L3MBTL4: variants seen among roughly 807,000 people sequenced by gnomAD.
L3MBTL4 encodes L3MBTL histone methyl-lysine binding protein 4, also known as lethal(3)malignant brain tumor-like protein 4.
In L3MBTL4, 70 loss-of-function variants were observed where a neutral mutation model predicts 84.5. The observed-to-expected ratio is 0.83, with a 90% CI of 0.68 to 1.01. The LOEUF (loss-of-function observed/expected upper bound fraction) is 1.01, where lower values mean the gene tolerates loss of function less well. L3MBTL4 is among the 50% of genes least tolerant of loss of function. The pLI, the probability that L3MBTL4 is intolerant of heterozygous loss-of-function variation, is 0.00. For missense variants in L3MBTL4, 715 were observed against 754.8 expected (o/e 0.95, Z 0.62); for synonymous variants, 274 against 259.8 (o/e 1.05, Z -0.52).
chr18:6,084,201 T>C (rs546191947), intron 15 of L3MBTL4, among the ~76,000 whole-genome samples: 6 of 152,326 alleles, frequency 3.9e-5, no homozygotes, highest in African/African-American at 1.2e-4. Context: ...TAGCAAACTA[T>C]GCCCCGTAAG....
intron 12 of L3MBTL4, among the ~76,000 whole-genome samples, chr18:6,203,935 A>T (rs2045758514): frequency 6.6e-6 from 1 of 152,112 alleles, no homozygotes; most frequent in Non-Finnish European, 1.5e-5. Context: ...TGGCTGCCCT[A>T]AGCCTGGGCA....
chr18:6,048,513 T>C (rs1350745807), intron 16 of L3MBTL4, among the ~76,000 whole-genome samples: 1 of 152,126 alleles, frequency 6.6e-6, no homozygotes, highest in African/African-American at 2.4e-5. Context: ...CAGAATAGCA[T>C]TGGCTGGGCA....
rs780909672 is a variant in L3MBTL4, at chr18:6,138,240, G to A, written c.1153C>T (p.Arg385Ter). The A allele has an allele frequency of 6.2e-6, 10 of 1,613,356 alleles. No individual in the cohort carries two copies. Among genetic ancestry groups the A allele is most frequent in the East Asian group, 2.2e-5 (1 of 44,876 alleles). Residue 385 changes from arginine (R) to a stop codon, truncating the protein, a stop_gained, in exon 14 of 19, where the codon CGA (arginine) becomes TGA (stop). Coordinates refer to ENST00000317931, the MANE Select transcript of L3MBTL4 (RefSeq NM_001330559.2). LOFTEE classifies it high-confidence loss of function. ...GGACCACGGATATGGCCTATTCCTC[G>A]GCACCCGGGAGTAGGACAGACAGCT... is the stretch of plus-strand genomic sequence containing the variant. ...GQAVCPTPGC[R>*]GIGHIRGPRY... is the part of the protein sequence containing the mutation.
At chr18:5,967,748 G>T (rs1442379167) in intron 17 of L3MBTL4, among the ~76,000 whole-genome samples, 1 of 152,250 alleles carries the variant, frequency 6.6e-6, no homozygotes, top group Non-Finnish European at 1.5e-5. Flanking sequence ...CCAGGCTGCT[G>T]CTGGCAGTGG....
intron 3 of L3MBTL4, among the ~76,000 whole-genome samples, chr18:6,310,243 G>C (rs1320316277): frequency 6.6e-6 from 1 of 152,178 alleles, no homozygotes; most frequent in East Asian, 1.9e-4. Flanking sequence ...ATGCAGGCCT[G>C]CCCAAGTCTG....
chr18:6,238,799 G>A (rs1179322455), intron 9 of L3MBTL4, among the ~76,000 whole-genome samples: 4 of 152,020 alleles, frequency 2.6e-5, no homozygotes, highest in Non-Finnish European at 5.9e-5. Flanking sequence ...AGAAGACAGG[G>A]CCCATCAGGC....
Position 6,311,596 on chromosome 18 carries a change from A to C in L3MBTL4, c.30T>G (p.Leu10=), listed in dbSNP as rs753769299. ...CCAAACGCTCTTTGGAATCCATATT[A>C]AGCTTCCTTTTCCTGTTGGGCTGTT... The part of the protein sequence containing the change: MKQPNRKRK[L]NMDSKERLDQ... Residue 10 remains leucine (L), a synonymous_variant, in exon 3 of 19, where the codon CTT becomes CTG. Coordinates refer to ENST00000317931, the MANE Select transcript of L3MBTL4 (RefSeq NM_001330559.2). 5.0e-6 allele frequency: 8 copies of C among 1,613,390 alleles called. No homozygotes were observed. In the South Asian group the frequency reaches 8.8e-5, roughly 18 times the overall value.
chr18:6,165,216 G>C (rs2043583877), intron 13 of L3MBTL4, among the ~76,000 whole-genome samples: 1 of 152,222 alleles, frequency 6.6e-6, no homozygotes, highest in African/African-American at 2.4e-5. Context: ...TGGTGTACCT[G>C]AAAGTGACGG....
chr18:6,185,848 G>A (rs1167081316), intron 12 of L3MBTL4, among the ~76,000 whole-genome samples: 1 of 152,152 alleles, frequency 6.6e-6, no homozygotes, highest in African/African-American at 2.4e-5. Flanking sequence ...AGACATGTGA[G>A]AAATGACTAT....
chr18:6,038,415 G>A lies in L3MBTL4; in HGVS notation c.1444+42466C>T, dbSNP rs199559531. 2.0e-5 allele frequency among the ~76,000 whole-genome samples: 3 copies of A among 151,966 alleles called. No individual in the cohort carries two copies. In the East Asian group the frequency reaches 5.8e-4, roughly 30 times the overall value. On this transcript the variant is annotated intron_variant, in intron 16 of 18. Coordinates refer to ENST00000317931, the MANE Select transcript of L3MBTL4 (RefSeq NM_001330559.2). Reference sequence around the variant, plus strand: ...ACTATAGGCGTCCGCCACCGCGACCGGTTAACTTTTTTGTATTTTTAGTAG... The same window carrying A: ...ACTATAGGCGTCCGCCACCGCGACCAGTTAACTTTTTTGTATTTTTAGTAG...
chr18:6,202,548 T>C (rs959114325), intron 12 of L3MBTL4, among the ~76,000 whole-genome samples: 1 of 152,114 alleles, frequency 6.6e-6, no homozygotes, highest in African/African-American at 2.4e-5. Flanking sequence ...TGAGATATGC[T>C]GCTGGCTTTT....
chr18:6,258,353 T>G (rs2048246977), intron 5 of L3MBTL4, among the ~76,000 whole-genome samples: 1 of 152,176 alleles, frequency 6.6e-6, no homozygotes, highest in Admixed American at 6.5e-5. Flanking sequence ...TACTCAGCAG[T>G]GCTTGGCACC....
chr18:6,136,970 C>T (rs1451761489), intron 14 of L3MBTL4, among the ~76,000 whole-genome samples: 14 of 152,198 alleles, frequency 9.2e-5, no homozygotes, highest in Admixed American at 9.2e-4. Context: ...TCAAGTTGCC[C>T]TCCTGGCCTT....
intron 12 of L3MBTL4, among the ~76,000 whole-genome samples, chr18:6,207,445 A>G (rs1160740748): frequency 6.6e-6 from 1 of 152,178 alleles, no homozygotes; most frequent in Non-Finnish European, 1.5e-5. Context: ...GAATAAGAGT[A>G]AGAAAATGGG....
At chr18:6,292,865 C>T (rs543224874) in intron 4 of L3MBTL4, among the ~76,000 whole-genome samples, 1 of 152,268 alleles carries the variant, frequency 6.6e-6, no homozygotes, top group South Asian at 2.1e-4. Flanking sequence ...CTACTGAAAC[C>T]ACCTCCTCCA....
rs536637521 is a variant in L3MBTL4 at position 6,414,129 on chromosome 18, C to G, written c.-91+672G>C. 2.6e-5 allele frequency: 4 copies of G among 152,272 alleles called. No individual in the cohort carries two copies. The East Asian group carries it at 7.8e-4, about 30-fold the overall frequency. The allele number at this position is 152,272 out of a possible 1,614,324, so 9.4% of individuals were successfully genotyped here. On this transcript the variant is annotated intron_variant, in intron 1 of 18. Transcript: ENST00000317931. This position sits in a 1 kb window ranked among gnomAD's most constrained non-coding sequence, Gnocchi z 5.4. The stretch of plus-strand genomic sequence containing the variant: ...CCGGCGCGCCCCCCGCAGTTCCAGG[C>G]GGTGGCAGGAGCCTGAGAGCCGCCG...
At chr18:6,404,564 C>T (rs1182915120) in intron 1 of L3MBTL4, among the ~76,000 whole-genome samples, 1 of 152,190 alleles carries the variant, frequency 6.6e-6, no homozygotes, top group Admixed American at 6.5e-5. Flanking sequence ...TAGTCCTGTG[C>T]TTTTATTTAA....
chr18:6,401,936 A>G (rs1393480128), intron 1 of L3MBTL4, among the ~76,000 whole-genome samples: 2 of 152,204 alleles, frequency 1.3e-5, no homozygotes, highest in Non-Finnish European at 2.9e-5. Context: ...AAACCTCCAC[A>G]ATGAGAAGTT....
At chr18:6,059,031 G>A (rs2057118228) in intron 16 of L3MBTL4, among the ~76,000 whole-genome samples, 1 of 152,180 alleles carries the variant, frequency 6.6e-6, no homozygotes, top group Admixed American at 6.5e-5. Context: ...ACAGTCAATA[G>A]CCAAGGACCC....
Sources: gnomAD v4.1 joint callset for allele counts (sites outside exome capture counted in the v4.1 genomes callset) on GRCh38, gnomAD v4.1.1 for gene constraint, Gnocchi (gnomAD v3.1) non-coding constraint, MANE v1.5 for transcripts, NCBI Gene and HGNC (gene_info 2026-07-23, HGNC 2026-07-21) for gene names.